HDLBP: variants seen among roughly 807,000 people sequenced by gnomAD.
The protein encoded by HDLBP is vigilin.
HDLBP carries 30 observed loss-of-function variants against 137.3 expected under a neutral mutation model. The ratio of observed to expected loss-of-function variants is 0.22; its 90% CI spans 0.16 to 0.30. The LOEUF (loss-of-function observed/expected upper bound fraction) is 0.30. Ranked by LOEUF, HDLBP falls within the 10% of genes least tolerant of loss-of-function variation. The probability of loss-of-function intolerance (pLI) is 1.00; values close to 1 mark genes in which losing one functional copy is unlikely to be tolerated. For missense variants in HDLBP, 1,119 were observed against 1,667.3 expected, an observed-to-expected ratio of 0.67 and a Z score of 5.73; for synonymous variants, 606 against 596.0, an observed-to-expected ratio of 1.02 and a Z score of -0.24.
At chr2:241,256,049 C>G (rs2072590170) in intron 7 of HDLBP, 135 bp downstream of exon 7, 1 of 746,456 alleles carries the variant, frequency 1.3e-6, no homozygotes, top group Non-Finnish European at 2.2e-6. Context: ...CCGGGTCACT[C>G]AAGTGTAGAG....
intron 27 of HDLBP, 61 bp from the exon 28 acceptor site, chr2:241,229,748 G>T: frequency 6.2e-7 from 1 of 1,608,472 alleles, no homozygotes; most frequent in South Asian, 1.1e-5. Context: ...AGCAGCTTCC[G>T]ACGCAGTTGC....
intron 1 of HDLBP, among the ~76,000 whole-genome samples, chr2:241,310,408 GTAATCT>G (rs1486413731): frequency 2.0e-5 from 3 of 152,198 alleles, no homozygotes; most frequent in Admixed American, 6.5e-5. Flanking sequence ...AGTGCTGACA[GTAATCT>G]CATATGCTTT....
rs1369420093 is a variant in HDLBP at position 241,229,959 on chromosome 2, T to C, written c.3594A>G (p.Leu1198=). The C allele has an allele frequency of 6.3e-7, 1 of 1,596,302 alleles. No homozygotes were observed. The highest frequency in any genetic ancestry group is 8.5e-7 in the Non-Finnish European group (1 of 1,170,398). ...DHILNLEEEY[L]ADVVDSEALQ... ...GCGCCTCACTGTCCACCACGTCAGC[T>C]AGCTGCAGGCAGAAGACAGGAAGAC... The change falls in exon 27 of 28, where the codon CTA becomes CTG. Residue 1198 remains leucine, a splice_region_variant and synonymous_variant. Transcript: ENST00000310931.
Position 241,246,800 on chromosome 2 carries a change from G to A in HDLBP, c.1902C>T (p.Ala634=). 6.2e-7 allele frequency: 1 copy of A among 1,614,156 alleles called. No individual in the cohort carries two copies. Among genetic ancestry groups the A allele is most frequent in the South Asian group, 1.1e-5 (1 of 91,082 alleles). Reference sequence around the variant, plus strand: ...TCCTGCTCCGGGCAGCTTCGCAGTTGGCTCGCTTGCCTGTGATGATAATGG... The same window carrying A: ...TCCTGCTCCGGGCAGCTTCGCAGTTAGCTCGCTTGCCTGTGATGATAATGG... ...SETIIITGKR[A]NCEAARSRIL... The change falls in exon 16 of 28, where the codon GCC becomes GCT. Residue 634 remains alanine (A), a synonymous_variant. Coordinates refer to ENST00000310931, the MANE Select transcript of HDLBP (RefSeq NM_005336.6).
chr2:241,292,266 C>A (rs1311149345), intron 1 of HDLBP, among the ~76,000 whole-genome samples: 1 of 141,566 alleles, frequency 7.1e-6, no homozygotes, highest in African/African-American at 2.7e-5. Flanking sequence ...ATTAGAAAAA[C>A]ACATTAGATA....
chr2:241,235,807 C>A (rs1238078722), intron 21 of HDLBP, among the ~76,000 whole-genome samples: 1 of 152,150 alleles, frequency 6.6e-6, no homozygotes, highest in Non-Finnish European at 1.5e-5. Flanking sequence ...AATTCCAGAC[C>A]CTTCATCCCA....
At chr2:241,253,688 A>G (rs2072386653) in intron 9 of HDLBP, among the ~76,000 whole-genome samples, 191 bp from the exon 10 acceptor site, 2 of 152,132 alleles carry the variant, frequency 1.3e-5, no homozygotes, top group Admixed American at 1.3e-4. Flanking sequence ...TAGTCAGGAA[A>G]CTAAATACTG....
chr2:241,272,560 G>C lies in HDLBP; in HGVS notation c.-102-4019C>G, dbSNP rs1231717867. ...AGACTCGGAGCCGGCCCCAGGTCTG[G>C]CCCGGAACCGCCACGCGCGGTAAGC... is the stretch of plus-strand genomic sequence containing the variant. On this transcript the variant is annotated intron_variant, in intron 1 of 27. Coordinates refer to ENST00000310931, the MANE Select transcript of HDLBP (RefSeq NM_005336.6). The surrounding 1 kb of genome is among the most constrained non-coding windows in gnomAD (Gnocchi z 5.6). 1 of 984,192 alleles carries C rather than the reference G, an allele frequency of 1.0e-6. No individual in the cohort carries two copies. Among genetic ancestry groups the C allele is most frequent in the Admixed American group, 6.2e-5 (1 of 16,178 alleles). 61.0% of individuals were successfully genotyped at this position (984,192 alleles called of 1,614,324 possible). A position where few individuals can be genotyped will look rare whatever the true frequency, so the allele number is the denominator to read the frequency against.
intron 2 of HDLBP, chr2:241,267,472 CA>C: frequency 9.3e-7 from 1 of 1,073,152 alleles, no homozygotes; most frequent in Non-Finnish European, 1.4e-6. Context: ...GTGGGGGGAC[CA>C]TGGAACCTGC....
chr2:241,305,427 T>C (rs1221837729), intron 1 of HDLBP, among the ~76,000 whole-genome samples: 2 of 151,992 alleles, frequency 1.3e-5, no homozygotes, highest in East Asian at 3.9e-4. Flanking sequence ...CTGGCCAGGC[T>C]CTACTCTTTC....
At chr2:241,278,768 C>T (rs2074489835) in intron 1 of HDLBP, among the ~76,000 whole-genome samples, 1 of 152,156 alleles carries the variant, frequency 6.6e-6, no homozygotes, top group Non-Finnish European at 1.5e-5. Flanking sequence ...TGTATGGACA[C>T]ACTATTAGAA....
chr2:241,308,618 C>T (rs7599888), intron 1 of HDLBP, among the ~76,000 whole-genome samples: 1,879 of 151,962 alleles, frequency 0.012, 34 homozygotes, highest in African/African-American at 0.043. Context: ...TACTGTTTTG[C>T]GGGGTATGCA....
chr2:241,301,445 T>A (rs561113363), intron 1 of HDLBP, among the ~76,000 whole-genome samples: 103 of 152,022 alleles, frequency 6.8e-4, no homozygotes, highest in African/African-American at 2.3e-3. Flanking sequence ...GTAAGAAGAG[T>A]GAAAATTAAG....
intron 3 of HDLBP, chr2:241,266,570 G>A (rs955431501): frequency 2.0e-6 from 1 of 510,568 alleles, no homozygotes; most frequent in Non-Finnish European, 3.5e-6. Flanking sequence ...CCAGAAAGCT[G>A]CCCACATGTT....
At position 241,227,667 on chromosome 2, in the gene HDLBP, T is replaced by C. The variant is rs1450901422; in HGVS notation, c.*1934A>G. 1 of 152,608 alleles carries C rather than the reference T, an allele frequency of 6.6e-6. No homozygotes were observed. Among genetic ancestry groups the C allele is most frequent in the Non-Finnish European group, 1.5e-5 (1 of 68,040 alleles). 9.5% of individuals were successfully genotyped at this position (152,608 alleles called of 1,614,324 possible). ...GTGCAAAACTTGGTGAGAATTAAAA[T>C]TGACCTTTGGGAGAGGGTAGGGGCA... On this transcript the variant is annotated 3_prime_UTR_variant, in exon 28 of 28. Coordinates refer to ENST00000310931, the MANE Select transcript of HDLBP (RefSeq NM_005336.6).
rs550425371 is a variant in HDLBP, at chr2:241,262,735, G to A, written c.426C>T (p.Asp142=). Residue 142 remains aspartate, a synonymous_variant, in exon 5 of 28, where the codon GAC becomes GAT. Transcript: ENST00000310931. ...CCTGAGTCTGCAGTCTAGCAACAAT[G>A]TCCTTCCGAGCTTTCATGACAGCAT... The part of the protein sequence containing the change: ...KLDAVMKARK[D]IVARLQTQAS... The A allele has an allele frequency of 4.3e-6, 7 of 1,614,038 alleles. No homozygotes were observed. In the African/African-American group the frequency reaches 9.3e-5, roughly 22 times the overall value.
chr2:241,251,199 T>A (rs1229779465), intron 11 of HDLBP, among the ~76,000 whole-genome samples: 1 of 152,078 alleles, frequency 6.6e-6, no homozygotes, highest in East Asian at 1.9e-4. Flanking sequence ...GCTCAAGTGA[T>A]CCTCCTGCCT....
At chr2:241,280,025 A>T (rs1575012775) in intron 1 of HDLBP, 2 of 985,376 alleles carry the variant, frequency 2.0e-6, no homozygotes, top group Non-Finnish European at 2.4e-6. Flanking sequence ...AGGCTGTGGG[A>T]GCAGAGATGT....
intron 23 of HDLBP, among the ~76,000 whole-genome samples, chr2:241,234,647 C>G (rs1016954811): frequency 2.0e-5 from 3 of 152,188 alleles, no homozygotes; most frequent in Non-Finnish European, 2.9e-5. Flanking sequence ...AGAGGCTGGG[C>G]GTCTGCAGCG....
Sources: allele counts gnomAD v4.1 joint callset (sites outside exome capture counted in the v4.1 genomes callset), GRCh38; gene constraint gnomAD v4.1.1; non-coding constraint Gnocchi (gnomAD v3.1); transcripts MANE v1.5; gene names NCBI Gene and HGNC (gene_info 2026-07-23, HGNC 2026-07-21).